KSR2: variants seen among roughly 807,000 people sequenced by gnomAD.
KSR2 encodes kinase suppressor of ras 2.
In KSR2, 25 loss-of-function variants were observed where a neutral mutation model predicts 107.8. That is an observed-to-expected ratio of 0.23 (90% CI 0.17 to 0.32). The LOEUF is 0.32. KSR2 is among the 10% of genes least tolerant of loss of function. The pLI, the probability that KSR2 is intolerant of heterozygous loss-of-function variation, is 1.00. For synonymous variants in KSR2, 480 were observed against 507.0 expected, an observed-to-expected ratio of 0.95 and a Z score of 0.71; for missense variants, 887 against 1,268.9, an observed-to-expected ratio of 0.70 and a Z score of 4.57.
intron 3 of KSR2, among the ~76,000 whole-genome samples, chr12:117,791,854 C>T (rs530483940): frequency 1.5e-3 from 224 of 152,314 alleles, no homozygotes; most frequent in African/African-American, 5.1e-3. Context: ...ACCAACTAAA[C>T]GTACTCTGTG....
Position 117,459,213 on chromosome 12 carries a change from T to G in KSR2, c.*7986A>C, listed in dbSNP as rs1368560624. 1.3e-5 allele frequency: 2 copies of G among 152,052 alleles called. No homozygotes were observed. Among genetic ancestry groups the G allele is most frequent in the Non-Finnish European group, 2.9e-5 (2 of 68,066 alleles). 9.4% of individuals were successfully genotyped at this position (152,052 alleles called of 1,614,324 possible). On this transcript the variant is annotated 3_prime_UTR_variant, in exon 20 of 20. Transcript: ENST00000339824. ...AAACATCTGCAGAGCGCTGATAGAC[T>G]GTCCACCAACTACAGCCCAAATGGC...
intron 4 of KSR2, among the ~76,000 whole-genome samples, chr12:117,759,375 A>T (rs10744902): frequency 6.6e-6 from 1 of 152,000 alleles, no homozygotes; most frequent in Non-Finnish European, 1.5e-5. Flanking sequence ...TGCAACAGAG[A>T]CTGAATGGTC....
chr12:117,643,386 G>C (rs1301300618), intron 5 of KSR2, among the ~76,000 whole-genome samples: 5 of 152,196 alleles, frequency 3.3e-5, no homozygotes, highest in African/African-American at 1.2e-4. Context: ...AGCGGAGGCT[G>C]CAGTGAGCCA....
intron 1 of KSR2, among the ~76,000 whole-genome samples, chr12:117,942,559 G>A (rs1238704377): frequency 6.7e-6 from 1 of 150,078 alleles, no homozygotes; most frequent in African/African-American, 2.5e-5. Context: ...TGGGATCATG[G>A]CTCACTGCTG....
At chr12:117,684,643 G>C (rs1671146824) in intron 4 of KSR2, among the ~76,000 whole-genome samples, 1 of 152,126 alleles carries the variant, frequency 6.6e-6, no homozygotes, top group African/African-American at 2.4e-5. Context: ...ACTTCGGGGA[G>C]GGAATTCCAA....
chr12:117,930,877 G>A (rs999712935), intron 1 of KSR2, among the ~76,000 whole-genome samples: 5 of 152,230 alleles, frequency 3.3e-5, no homozygotes, highest in South Asian at 4.2e-4. Flanking sequence ...TTGCACCACC[G>A]CACTCCAGCC....
At chr12:117,619,928 T>C (rs1882093820) in intron 5 of KSR2, among the ~76,000 whole-genome samples, 1 of 152,078 alleles carries the variant, frequency 6.6e-6, no homozygotes, top group African/African-American at 2.4e-5. Context: ...GAAGACACTT[T>C]GCACAAAAGT....
At chr12:117,628,107 C>A (rs1565933361) in intron 5 of KSR2, among the ~76,000 whole-genome samples, 1 of 152,122 alleles carries the variant, frequency 6.6e-6, no homozygotes, top group Non-Finnish European at 1.5e-5. Flanking sequence ...TTCATCTAAT[C>A]TTTTTTCAAG....
intron 1 of KSR2, among the ~76,000 whole-genome samples, chr12:117,946,041 AT>A (rs1255279684): frequency 1.3e-5 from 2 of 152,216 alleles, no homozygotes; most frequent in Non-Finnish European, 2.9e-5. Context: ...AACAATGAAA[AT>A]ATATCAAAAT....
At chr12:117,782,377 C>G (rs949951154) in intron 3 of KSR2, among the ~76,000 whole-genome samples, 33 of 152,196 alleles carry the variant, frequency 2.2e-4, no homozygotes, top group Admixed American at 8.5e-4. Flanking sequence ...GATCCTCCCA[C>G]CTTGGTCTCC....
chr12:117,732,808 GACC>G (rs1201045681), intron 4 of KSR2, among the ~76,000 whole-genome samples: 6 of 152,170 alleles, frequency 3.9e-5, no homozygotes, highest in African/African-American at 1.4e-4. Context: ...GACAGCCCCT[GACC>G]ACAAGCGTTT....
chr12:117,946,921 T>C (rs1224825160), intron 1 of KSR2, among the ~76,000 whole-genome samples: 3 of 151,746 alleles, frequency 2.0e-5, no homozygotes, highest in African/African-American at 7.3e-5. Context: ...TCCCAGCAAT[T>C]TGGGAGGCCG....
chr12:117,654,360 C>T (rs1480107415), intron 5 of KSR2, among the ~76,000 whole-genome samples: 1 of 152,170 alleles, frequency 6.6e-6, no homozygotes, highest in African/African-American at 2.4e-5. Flanking sequence ...TTCTCTTCCC[C>T]AGCCTACACC....
chr12:117,908,617 T>C (rs942846407), intron 1 of KSR2, among the ~76,000 whole-genome samples: 3 of 152,338 alleles, frequency 2.0e-5, no homozygotes, highest in East Asian at 1.9e-4. Context: ...CTGTCACTCT[T>C]ACAAGAATGA....
chr12:117,899,363 C>T (rs547334401), intron 1 of KSR2, among the ~76,000 whole-genome samples: 122 of 152,084 alleles, frequency 8.0e-4, no homozygotes, highest in African/African-American at 2.6e-3. Flanking sequence ...CGTGGTGGCA[C>T]ATACCTGTAG....
At chr12:117,665,441 G>T (rs554093903) in intron 5 of KSR2, among the ~76,000 whole-genome samples, 113 of 152,290 alleles carry the variant, frequency 7.4e-4, no homozygotes, top group African/African-American at 2.7e-3. Context: ...CCTGGAGGGG[G>T]CCCGGCTGAC....
chr12:117,670,875 G>A (rs1884879992), intron 4 of KSR2, among the ~76,000 whole-genome samples: 1 of 152,080 alleles, frequency 6.6e-6, no homozygotes, highest in African/African-American at 2.4e-5. Flanking sequence ...TCCACCTGGT[G>A]AACCCCTACA....
Position 117,963,789 on chromosome 12 carries a change from G to A in KSR2, c.180+4287C>T, listed in dbSNP as rs557574687. 2.8e-3 allele frequency among the ~76,000 whole-genome samples: 422 copies of A among 152,120 alleles called. 7 individuals carry two copies. The highest frequency in any genetic ancestry group is 2.2e-3 in the Non-Finnish European group (147 of 67,996). On this transcript the variant is annotated intron_variant, in intron 1 of 19. Coordinates refer to ENST00000339824, the MANE Select transcript of KSR2 (RefSeq NM_173598.6). ...CAGGCTACCAGGTACCCTCCATTCT[G>A]GGCAAAATGGTCTCTAGGCTGCCCC...
At chr12:117,698,114 C>T (rs1886147293) in intron 4 of KSR2, among the ~76,000 whole-genome samples, 1 of 152,150 alleles carries the variant, frequency 6.6e-6, no homozygotes, top group Non-Finnish European at 1.5e-5. Flanking sequence ...TTTTTCCAGC[C>T]CTCAGAAGGA....
Sources: allele counts gnomAD v4.1 joint callset (sites outside exome capture counted in the v4.1 genomes callset), GRCh38; gene constraint gnomAD v4.1.1; transcripts MANE v1.5; gene names NCBI Gene and HGNC (gene_info 2026-07-23, HGNC 2026-07-21).